DTNA: variants seen among roughly 807,000 people sequenced by gnomAD.
DTNA encodes dystrophin-related protein 3.
DTNA carries 43 observed loss-of-function variants against 100.7 expected under a neutral mutation model. The ratio of observed to expected loss-of-function variants is 0.43; its 90% CI spans 0.33 to 0.55. The LOEUF is 0.55. Among genes scored for constraint, DTNA ranks in the 20% least tolerant of loss-of-function variants. DTNA has a pLI of 0.04. For missense variants in DTNA, 798 were observed against 953.9 expected, an observed-to-expected ratio of 0.84 and a Z score of 2.15; for synonymous variants, 349 against 347.9, an observed-to-expected ratio of 1.00 and a Z score of -0.04.
intron 1 of DTNA, among the ~76,000 whole-genome samples, chr18:34,510,040 C>T (rs1305586287): frequency 1.4e-5 from 2 of 146,726 alleles, no homozygotes; most frequent in Admixed American, 1.4e-4. Context: ...TAAAAATAGT[C>T]CTGTGGTTTC....
chr18:34,596,098 A>G (rs2050544115), intron 1 of DTNA, among the ~76,000 whole-genome samples: 1 of 152,212 alleles, frequency 6.6e-6, no homozygotes, highest in South Asian at 2.1e-4. Flanking sequence ...TCATATGCCC[A>G]AGGGCTTTTA....
intron 1 of DTNA, among the ~76,000 whole-genome samples, chr18:34,672,012 C>T (rs1464500223): frequency 2.0e-5 from 3 of 152,170 alleles, no homozygotes; most frequent in Non-Finnish European, 1.5e-5. Flanking sequence ...CACATTTTTA[C>T]TTAACCTGCA....
chr18:34,736,713 T>C (rs982089749), intron 1 of DTNA, among the ~76,000 whole-genome samples: 5 of 152,186 alleles, frequency 3.3e-5, no homozygotes, highest in Admixed American at 6.5e-5. Flanking sequence ...AAACGTGATA[T>C]TATGAACCTC....
At chr18:34,700,212 A>G (rs1285030041) in intron 1 of DTNA, among the ~76,000 whole-genome samples, 1 of 152,156 alleles carries the variant, frequency 6.6e-6, no homozygotes, top group Non-Finnish European at 1.5e-5. Flanking sequence ...GATATGGATG[A>G]CCCAATCAAT....
chr18:34,689,802 C>A (rs887387875), intron 1 of DTNA, among the ~76,000 whole-genome samples: 3 of 152,198 alleles, frequency 2.0e-5, no homozygotes, highest in African/African-American at 7.2e-5. Flanking sequence ...ATCTATAAGC[C>A]CCTGGCTGGG....
At chr18:34,514,836 C>T (rs1239041272) in intron 1 of DTNA, among the ~76,000 whole-genome samples, 1 of 151,974 alleles carries the variant, frequency 6.6e-6, no homozygotes, top group African/African-American at 2.4e-5. Flanking sequence ...GACCTAATTA[C>T]CTCCCAAAGG....
chr18:34,580,462 T>G (rs1433163287), intron 1 of DTNA, among the ~76,000 whole-genome samples: 1 of 152,160 alleles, frequency 6.6e-6, no homozygotes, highest in Non-Finnish European at 1.5e-5. Context: ...TCTATTTGGC[T>G]GTGTGTGGGG....
intron 1 of DTNA, among the ~76,000 whole-genome samples, chr18:34,695,221 A>C (rs1192876443): frequency 6.6e-6 from 1 of 152,138 alleles, no homozygotes; most frequent in Non-Finnish European, 1.5e-5. Flanking sequence ...CCATCTGATA[A>C]TTACACCTTT....
In DTNA at chr18:34,704,168, A is replaced by G. The variant is rs1381229155; in HGVS notation, c.-1-51808A>G. 2.6e-5 allele frequency among the ~76,000 whole-genome samples: 4 copies of G among 152,260 alleles called. No individual in the cohort carries two copies. In the East Asian group the frequency reaches 7.7e-4, roughly 29 times the overall value. On this transcript the variant is annotated intron_variant, in intron 1 of 19. Coordinates refer to the DTNA transcript ENST00000283365. Reference sequence around the variant, plus strand: ...GCTTCCCAGTTCTCTCCATCCCATTATCTATGATGCATACACACATATTAC... The same window carrying G: ...GCTTCCCAGTTCTCTCCATCCCATTGTCTATGATGCATACACACATATTAC...
chr18:34,811,879 C>T (rs2095493658), intron 5 of DTNA, 80 bp from the exon 6 acceptor site: 3 of 1,529,328 alleles, frequency 2.0e-6, no homozygotes, highest in South Asian at 2.4e-5. Context: ...ACTTTTTTGT[C>T]ATTTGTAGCA....
intron 1 of DTNA, among the ~76,000 whole-genome samples, chr18:34,701,054 C>T (rs1016232744): frequency 6.6e-6 from 1 of 152,170 alleles, no homozygotes; most frequent in Non-Finnish European, 1.5e-5. Flanking sequence ...CATGCTCCGT[C>T]TCTCTGCCTG....
At chr18:34,619,151 T>G (rs1235460573) in intron 1 of DTNA, among the ~76,000 whole-genome samples, 6 of 152,314 alleles carry the variant, frequency 3.9e-5, no homozygotes, top group Middle Eastern at 3.4e-3. Context: ...TATCTTTAGT[T>G]AAATGCAAAT....
At chr18:34,543,233 G>A (rs1227247127) in intron 1 of DTNA, among the ~76,000 whole-genome samples, 1 of 151,652 alleles carries the variant, frequency 6.6e-6, no homozygotes, top group African/African-American at 2.4e-5. Context: ...TGTTCAGACT[G>A]TTCAATAAAT....
chr18:34,890,395 G>T lies in DTNA; in HGVS notation c.*2661G>T, dbSNP rs2150526053. The T allele has an allele frequency of 1.3e-6, 2 of 1,536,072 alleles. No individual in the cohort carries two copies. Among genetic ancestry groups the T allele is most frequent in the Admixed American group, 3.9e-5 (2 of 50,994 alleles). ...TTTGGGGTTTTGTGTTTTTTGGTGG[G>T]TTTCTTTCCTTGGCTCTCCAGATTT... On this transcript the variant is annotated 3_prime_UTR_variant, in exon 23 of 23. Coordinates refer to ENST00000444659, the MANE Select transcript of DTNA (RefSeq NM_001386795.1).
chr18:34,741,093 T>C lies in DTNA; in HGVS notation c.-1-14883T>C, dbSNP rs562591998. 7.4e-4 allele frequency among the ~76,000 whole-genome samples: 113 copies of C among 152,318 alleles called. 1 individual carries two copies. Among genetic ancestry groups the C allele is most frequent in the African/African-American group, 2.6e-3 (108 of 41,576 alleles). On this transcript the variant is annotated intron_variant, in intron 1 of 22. Coordinates refer to ENST00000444659, the MANE Select transcript of DTNA (RefSeq NM_001386795.1). The stretch of plus-strand genomic sequence containing the variant: ...CAGGTCCATTTTCTACATAATCGTA[T>C]TGTATATCACTTTGTCCTTTATATT...
At chr18:34,602,005 A>T (rs1192480212) in intron 1 of DTNA, among the ~76,000 whole-genome samples, 3 of 152,210 alleles carry the variant, frequency 2.0e-5, no homozygotes, top group Non-Finnish European at 4.4e-5. Context: ...CTCAGCCCCC[A>T]CTTTAATCAG....
chr18:34,533,408 G>A (rs1171160703), intron 1 of DTNA, among the ~76,000 whole-genome samples: 1 of 150,554 alleles, frequency 6.6e-6, no homozygotes, highest in Non-Finnish European at 1.5e-5. Context: ...GGGACATGAA[G>A]ATGCTTGCCA....
At chr18:34,619,422 G>A (rs1351485049) in intron 1 of DTNA, among the ~76,000 whole-genome samples, 1 of 152,072 alleles carries the variant, frequency 6.6e-6, no homozygotes, top group Admixed American at 6.6e-5. Context: ...TAGCAAAGAA[G>A]CAATATACCA....
chr18:34,700,062 A>G (rs2081158930), intron 1 of DTNA, among the ~76,000 whole-genome samples: 1 of 152,208 alleles, frequency 6.6e-6, no homozygotes, highest in Non-Finnish European at 1.5e-5. Context: ...CTCCAAGCAT[A>G]AACAATCTAC....
Sources: allele counts gnomAD v4.1 joint callset (sites outside exome capture counted in the v4.1 genomes callset), GRCh38; gene constraint gnomAD v4.1.1; transcripts MANE v1.5; gene names NCBI Gene and HGNC (gene_info 2026-07-23, HGNC 2026-07-21).